Variants in APPL1 observed in about 807,000 individuals in gnomAD.
APPL1 encodes the protein DCC-interacting protein 13-alpha.
Under a neutral mutation model 106.8 loss-of-function variants are expected in APPL1, and 42 were observed. The observed-to-expected ratio is 0.39, with a 90% confidence interval of 0.31 to 0.51. APPL1 has a LOEUF of 0.51. Ranked by LOEUF, APPL1 falls within the 20% of genes least tolerant of loss-of-function variation. The pLI is 0.75. For missense variants in APPL1, 769 were observed against 858.2 expected, an observed-to-expected ratio of 0.90 and a Z score of 1.30; for synonymous variants, 263 against 281.8, an observed-to-expected ratio of 0.93 and a Z score of 0.67.
rs2060668813 is a variant in APPL1 at position 57,228,835 on chromosome 3, A to G, written c.54+898A>G. 6.6e-6 allele frequency among the ~76,000 whole-genome samples: 1 copy of G among 152,214 alleles called. No homozygotes were observed. The highest frequency in any genetic ancestry group is 1.5e-5 in the Non-Finnish European group (1 of 68,032). On this transcript the variant is annotated intron_variant, in intron 1 of 21. Transcript: ENST00000288266. The surrounding 1 kb of genome is among the most constrained non-coding windows in gnomAD (Gnocchi z 4.6). ...TTTAAGACGGTGTTGCTGGTTGGAC[A>G]CTATTTAGAATGAAACATTTCTGAA... is the stretch of plus-strand genomic sequence containing the variant.
At chr3:57,265,288 A>G (rs1037343269) in intron 19 of APPL1, among the ~76,000 whole-genome samples, 2 of 152,022 alleles carry the variant, frequency 1.3e-5, no homozygotes, top group African/African-American at 4.8e-5. Context: ...ACCTGGGATT[A>G]CAGGTATGCG....
At chr3:57,257,838 A>G (rs984498424) in intron 15 of APPL1, among the ~76,000 whole-genome samples, 1 of 152,236 alleles carries the variant, frequency 6.6e-6, no homozygotes, top group African/African-American at 2.4e-5. Flanking sequence ...CTAAAACATT[A>G]TCACTATTAT....
At position 57,257,580 on chromosome 3, in the gene APPL1, A is replaced by C. The variant is rs988277797; in HGVS notation, c.1430+152A>C. 6 of 666,172 alleles carry C rather than the reference A, an allele frequency of 9.0e-6. No homozygotes were observed. In the Admixed American group the frequency reaches 1.1e-4, roughly 13 times the overall value. 41.3% of individuals were successfully genotyped at this position (666,172 alleles called of 1,614,324 possible). The stretch of plus-strand genomic sequence containing the variant: ...TGTAACATATTGTTAGGGAAGAACC[A>C]TGCAGGTTTTTTTCTCTATGTCTTC... On this transcript the variant is annotated intron_variant, in intron 15 of 21. Transcript: ENST00000288266.
intron 1 of APPL1, 66 bp from the exon 2 acceptor site, chr3:57,235,499 GA>G: frequency 1.9e-6 from 2 of 1,066,942 alleles, no homozygotes; most frequent in Non-Finnish European, 2.7e-6. Flanking sequence ...GCTTCCTTTA[GA>G]AAAAATATTT....
chr3:57,259,807 T>C, intron 16 of APPL1, 38 bp from the exon 17 acceptor site: 1 of 1,158,306 alleles, frequency 8.6e-7, no homozygotes, highest in Non-Finnish European at 1.2e-6. Context: ...ATTTATACAG[T>C]AAAAAAAAAA....
In APPL1 at chr3:57,267,850, G is replaced by A. The variant is rs188760063; in HGVS notation, c.1893+58G>A. On this transcript the variant is annotated intron_variant, in intron 20 of 21. Coordinates refer to ENST00000288266, the MANE Select transcript of APPL1 (RefSeq NM_012096.3). ...TTCACACCTGTAATCGCAGCACATTGGGAGGCCGAGGCGGGCAGATGACTT... is the reference window on the plus strand; with the variant it reads ...TTCACACCTGTAATCGCAGCACATTAGGAGGCCGAGGCGGGCAGATGACTT... 1.2e-4 allele frequency: 192 copies of A among 1,569,192 alleles called. No individual in the cohort carries two copies. The Admixed American group carries it at 1.3e-3, about 11-fold the overall frequency.
At chr3:57,240,575 TAC>T in intron 5 of APPL1, 23 bp downstream of exon 5, 1 of 1,581,792 alleles carries the variant, frequency 6.3e-7, no homozygotes, top group Non-Finnish European at 8.7e-7. Flanking sequence ...AGCTTATGTT[TAC>T]TTTCATTGGC....
At chr3:57,241,597 A>C (rs1559508425) in intron 5 of APPL1, among the ~76,000 whole-genome samples, 1 of 152,164 alleles carries the variant, frequency 6.6e-6, no homozygotes, top group Non-Finnish European at 1.5e-5. Flanking sequence ...TGCCACCTTT[A>C]CTTTACTCAG....
intron 9 of APPL1, 138 bp from the exon 10 acceptor site, chr3:57,248,055 A>G: frequency 1.3e-6 from 1 of 767,544 alleles, no homozygotes; most frequent in Non-Finnish European, 2.0e-6. Context: ...TTTAAAATAT[A>G]TTCGTGTTGT....
intron 19 of APPL1, among the ~76,000 whole-genome samples, chr3:57,261,720 G>A (rs929039901): frequency 4.6e-5 from 7 of 151,864 alleles, no homozygotes; most frequent in Non-Finnish European, 5.9e-5. Flanking sequence ...GGGTTTCACC[G>A]TGTTAGCCAG....
intron 21 of APPL1, 39 bp downstream of exon 21, chr3:57,268,526 G>T (rs543181053): frequency 3.9e-6 from 6 of 1,543,574 alleles, no homozygotes; most frequent in Non-Finnish European, 4.3e-6. Context: ...TGTGTTGTTT[G>T]TGAAGACTTA....
At chr3:57,264,637 G>A (rs2060885215) in intron 19 of APPL1, among the ~76,000 whole-genome samples, 1 of 151,618 alleles carries the variant, frequency 6.6e-6, no homozygotes, top group Non-Finnish European at 1.5e-5. Flanking sequence ...GAGGGGTCTA[G>A]TTTTATTCTT....
intron 6 of APPL1, 57 bp downstream of exon 6, chr3:57,242,199 C>A: frequency 2.3e-6 from 3 of 1,309,764 alleles, no homozygotes; most frequent in Middle Eastern, 1.9e-4. Flanking sequence ...TTTATCAGTG[C>A]ATATCTGTGG....
intron 15 of APPL1, 94 bp downstream of exon 15, chr3:57,257,522 TA>T: frequency 4.5e-6 from 5 of 1,103,764 alleles, no homozygotes; most frequent in South Asian, 4.5e-5. Flanking sequence ...TTATAATGTA[TA>T]TCAGCTATGT....
chr3:57,235,543 C>A, intron 1 of APPL1, 23 bp from the exon 2 acceptor site: 1 of 1,457,000 alleles, frequency 6.9e-7, no homozygotes, highest in South Asian at 1.2e-5. Context: ...TTAACATAAA[C>A]TTATTGCTAT....
chr3:57,247,422 A>T lies in APPL1; in HGVS notation c.649A>T (p.Asn217Tyr), dbSNP rs755407371. The change falls in exon 9 of 22, where the codon AAT becomes TAT. Residue 217 changes from asparagine to tyrosine, a missense_variant. By Grantham distance (143) the Asn-to-Tyr change is moderately radical (BLOSUM62 -2). Transcript: ENST00000288266. ...QISFFKMGSE[N>Y]LNEQLEEFLA... ...AAGTTTCTTTAAGATGGGTTCTGAA[A>T]ATCTTAATGAACAACTGGAAGAATT... is the stretch of plus-strand genomic sequence containing the variant. 4.3e-6 allele frequency: 7 copies of T among 1,611,396 alleles called. No homozygotes were observed. The highest frequency in any genetic ancestry group is 5.9e-6 in the Non-Finnish European group (7 of 1,178,154).
In APPL1 at chr3:57,228,310, G is replaced by A. The variant is rs1467218253; in HGVS notation, c.54+373G>A. 1.3e-5 allele frequency among the ~76,000 whole-genome samples: 2 copies of A among 152,250 alleles called. No individual in the cohort carries two copies. The highest frequency in any genetic ancestry group is 2.9e-5 in the Non-Finnish European group (2 of 68,038). ...TGAGAACCTCTTCAGAAAAATTGCA[G>A]AAGGGAGAGAAACCCCGATAGTCTT... is the stretch of plus-strand genomic sequence containing the variant. On this transcript the variant is annotated intron_variant, in intron 1 of 21. Coordinates refer to ENST00000288266, the MANE Select transcript of APPL1 (RefSeq NM_012096.3). The surrounding 1 kb of genome is among the most constrained non-coding windows in gnomAD (Gnocchi z 4.6).
intron 5 of APPL1, among the ~76,000 whole-genome samples, chr3:57,241,612 C>T (rs1354911213): frequency 2.0e-5 from 3 of 152,072 alleles, no homozygotes; most frequent in African/African-American, 4.8e-5. Flanking sequence ...ACTCAGTCAC[C>T]AATACATCTA....
intron 19 of APPL1, among the ~76,000 whole-genome samples, chr3:57,265,367 C>T (rs2060889117): frequency 6.6e-6 from 1 of 152,110 alleles, no homozygotes; most frequent in Non-Finnish European, 1.5e-5. Flanking sequence ...CCAGGCTGGT[C>T]TCAAACTCCT....
Sources: gnomAD v4.1 joint callset for allele counts (sites outside exome capture counted in the v4.1 genomes callset) on GRCh38, gnomAD v4.1.1 for gene constraint, Gnocchi (gnomAD v3.1) non-coding constraint, MANE v1.5 for transcripts, NCBI Gene and HGNC (gene_info 2026-07-23, HGNC 2026-07-21) for gene names.